The following GUCY1A2 variants were observed in gnomAD, a reference collection of about 807,000 sequenced individuals.
GUCY1A2 encodes the protein guanylate cyclase 1 soluble subunit alpha 2, also known as guanylate cyclase soluble subunit alpha-2.
Under a neutral mutation model 63.5 loss-of-function variants are expected in GUCY1A2, and 27 were observed. The ratio of observed to expected loss-of-function variants is 0.43; its 90% CI spans 0.31 to 0.59. The LOEUF (loss-of-function observed/expected upper bound fraction) is 0.59. Ranked by LOEUF, GUCY1A2 falls within the 20% of genes least tolerant of loss-of-function variation. The probability of loss-of-function intolerance (pLI) is 0.11; values close to 1 mark genes in which losing one functional copy is unlikely to be tolerated. For synonymous variants in GUCY1A2, 364 were observed against 343.5 expected (o/e 1.06, Z -0.66); for missense variants, 768 against 913.3 (o/e 0.84, Z 2.05).
intron 4 of GUCY1A2, among the ~76,000 whole-genome samples, chr11:106,932,434 T>TA (rs1199246585): frequency 6.6e-6 from 1 of 152,064 alleles, no homozygotes; most frequent in Non-Finnish European, 1.5e-5. Context: ...TACTAATTTT[T>TA]AAAAACCCAG....
At chr11:106,934,781 A>G (rs1330972111) in intron 4 of GUCY1A2, among the ~76,000 whole-genome samples, 1 of 152,198 alleles carries the variant, frequency 6.6e-6, no homozygotes, top group Admixed American at 6.5e-5. Flanking sequence ...GGGATGATGT[A>G]TTTCAAATGC....
At chr11:106,966,708 C>A (rs1286100887) in intron 3 of GUCY1A2, among the ~76,000 whole-genome samples, 1 of 152,056 alleles carries the variant, frequency 6.6e-6, no homozygotes, top group African/African-American at 2.4e-5. Context: ...CCAGCTGAAA[C>A]CCTAGTGATC....
chr11:107,008,729 T>C (rs994334175), intron 1 of GUCY1A2, among the ~76,000 whole-genome samples: 1 of 151,804 alleles, frequency 6.6e-6, no homozygotes, highest in Non-Finnish European at 1.5e-5. Flanking sequence ...GAGATGTGAG[T>C]GATAAGTTAG....
intron 6 of GUCY1A2, among the ~76,000 whole-genome samples, chr11:106,732,227 C>G (rs1042867479): frequency 6.6e-6 from 1 of 152,008 alleles, no homozygotes; most frequent in Non-Finnish European, 1.5e-5. Flanking sequence ...AGGCCGCAAA[C>G]CTACAACCAT....
chr11:106,792,793 A>G (rs893286730), intron 5 of GUCY1A2, among the ~76,000 whole-genome samples: 1 of 152,170 alleles, frequency 6.6e-6, no homozygotes, highest in African/African-American at 2.4e-5. Flanking sequence ...AGTAGCAACA[A>G]AAAGAATAAA....
chr11:107,010,730 CTTT>C (rs200333677), intron 1 of GUCY1A2, among the ~76,000 whole-genome samples: 1 of 151,062 alleles, frequency 6.6e-6, no homozygotes, highest in Middle Eastern at 3.2e-3. Flanking sequence ...CTCCTGAGCA[CTTT>C]TTTTTTACTT....
intron 6 of GUCY1A2, among the ~76,000 whole-genome samples, chr11:106,745,764 A>T (rs553538263): frequency 1.1e-4 from 16 of 152,242 alleles, no homozygotes; most frequent in Non-Finnish European, 2.1e-4. Context: ...ATGTCTTGCA[A>T]CTGGATAACA....
At chr11:106,826,362 CTT>C (rs1268335016) in intron 4 of GUCY1A2, 20 of 1,492,320 alleles carry the variant, frequency 1.3e-5, no homozygotes, top group South Asian at 2.6e-5. Context: ...TCATTTGGAA[CTT>C]TATATGATTC....
chr11:106,849,557 G>A (rs1859323170), intron 4 of GUCY1A2, among the ~76,000 whole-genome samples: 1 of 151,372 alleles, frequency 6.6e-6, no homozygotes, highest in Non-Finnish European at 1.5e-5. Flanking sequence ...GAATAATGTA[G>A]AAAAATACGA....
intron 6 of GUCY1A2, 100 bp from the exon 7 acceptor site, chr11:106,708,766 A>T (rs970632316): frequency 1.2e-5 from 9 of 722,316 alleles, no homozygotes; most frequent in Non-Finnish European, 1.9e-5. Flanking sequence ...TAATAATAAA[A>T]AAAAACTATG....
Position 106,683,277 on chromosome 11 carries a change from C to G in GUCY1A2, c.*4272G>C, listed in dbSNP as rs1862462021. The G allele has an allele frequency of 4.6e-6, 1 of 219,246 alleles. No homozygotes were observed. Among genetic ancestry groups the G allele is most frequent in the Non-Finnish European group, 9.1e-6 (1 of 109,314 alleles). 13.6% of individuals were successfully genotyped at this position (219,246 alleles called of 1,614,324 possible). A position where few individuals can be genotyped will look rare whatever the true frequency, so the allele number is the denominator to read the frequency against. ...TAATCTAATAGTAGAAAAAACTAAG[C>G]TACGATATAGGGCTTGGTTCTTGAA... On this transcript the variant is annotated 3_prime_UTR_variant, in exon 8 of 8. Coordinates refer to ENST00000526355, the MANE Select transcript of GUCY1A2 (RefSeq NM_000855.3).
intron 1 of GUCY1A2, among the ~76,000 whole-genome samples, chr11:106,994,035 T>C (rs1302989530): frequency 1.3e-5 from 2 of 152,194 alleles, no homozygotes; most frequent in South Asian, 2.1e-4. Context: ...ATCTGGGCCA[T>C]TTTTTCCAGT....
chr11:106,754,459 T>A (rs1295373155), intron 6 of GUCY1A2, among the ~76,000 whole-genome samples: 1 of 152,228 alleles, frequency 6.6e-6, no homozygotes, highest in Non-Finnish European at 1.5e-5. Flanking sequence ...TGCTTCCAGT[T>A]TTTGCCCATT....
At chr11:106,757,055 CT>C (rs1377097458) in intron 6 of GUCY1A2, among the ~76,000 whole-genome samples, 2 of 152,154 alleles carry the variant, frequency 1.3e-5, no homozygotes, top group African/African-American at 4.8e-5. Context: ...TCTTTTTACT[CT>C]TTTTTCTCTA....
rs1009281628 is a variant in GUCY1A2, at chr11:106,810,078, T to C, written c.1607A>G (p.Gln536Arg). 3 of 1,613,316 alleles carry C rather than the reference T, an allele frequency of 1.9e-6. No individual in the cohort carries two copies. Among genetic ancestry groups the C allele is most frequent in the African/African-American group, 2.7e-5 (2 of 74,912 alleles). ...DIVGFTAICA[Q>R]CTPMQVISML... ...GCTGATTACTTGCATGGGAGTACAC[T>C]GGGCACATATGGCTGTGAAGCCAAC... The change falls in exon 5 of 8, where the codon CAG becomes CGG. Residue 536 changes from glutamine to arginine, a missense_variant. Around this residue, in one of 3 missense-constraint regions of GUCY1A2, gnomAD observed 122 missense variants for 238.1 expected, o/e 0.51. Transcript: ENST00000526355.
intron 1 of GUCY1A2, among the ~76,000 whole-genome samples, chr11:106,990,603 G>A (rs1014864092): frequency 7.9e-5 from 12 of 152,260 alleles, no homozygotes; most frequent in African/African-American, 1.9e-4. Context: ...GTGTGTGTGC[G>A]CGCACGCGCA....
intron 6 of GUCY1A2, among the ~76,000 whole-genome samples, chr11:106,709,015 G>C (rs539168421): frequency 2.7e-4 from 41 of 149,418 alleles, no homozygotes; most frequent in African/African-American, 9.5e-4. Context: ...TCTCCCTCCA[G>C]TTATTCTTAA....
chr11:106,922,834 T>A (rs894950563), intron 4 of GUCY1A2, among the ~76,000 whole-genome samples: 21 of 151,632 alleles, frequency 1.4e-4, no homozygotes, highest in African/African-American at 4.8e-4. Flanking sequence ...CCCAATGTGC[T>A]TGCAATGGAA....
At chr11:106,949,961 A>T (rs1251607404) in intron 3 of GUCY1A2, among the ~76,000 whole-genome samples, 1 of 152,220 alleles carries the variant, frequency 6.6e-6, no homozygotes, top group Non-Finnish European at 1.5e-5. Flanking sequence ...CAGGCATAAT[A>T]TATGTAGTGA....
Sources: gnomAD v4.1 joint callset for allele counts (sites outside exome capture counted in the v4.1 genomes callset) on GRCh38, gnomAD v4.1.1 for gene constraint, gnomAD v4.1.1 regional missense constraint, MANE v1.5 for transcripts, NCBI Gene and HGNC (gene_info 2026-07-23, HGNC 2026-07-21) for gene names.